Variants in TMEM230 observed in about 807,000 individuals in gnomAD.
The protein encoded by TMEM230 is UPF0414 transmembrane protein C20orf30.
A neutral mutation model predicts 15.8 loss-of-function variants in TMEM230; 10 were observed. The ratio of observed to expected loss-of-function variants is 0.63; its 90% CI spans 0.39 to 1.07. The LOEUF is 1.07. Among genes scored for constraint, TMEM230 ranks in the 50% least tolerant of loss-of-function variants. The pLI is 0.01. For synonymous variants in TMEM230, 67 were observed against 76.9 expected (o/e 0.87, Z 0.68); for missense variants, 165 against 193.3 (o/e 0.85, Z 0.87).
downstream of TMEM230, chr20:5,068,274 A>G (rs946973290): frequency 7.9e-5 from 12 of 152,236 alleles, no homozygotes; most frequent in African/African-American, 2.9e-4. Flanking sequence ...CCACATGACC[A>G]TACCTAGTTA....
At chr20:5,105,089 A>G (rs1484375179) in intron 4 of TMEM230, among the ~76,000 whole-genome samples, 2 of 152,248 alleles carry the variant, frequency 1.3e-5, no homozygotes, top group African/African-American at 4.8e-5. Flanking sequence ...GTTCATGACC[A>G]GCCTGGCCAA....
intron 3 of TMEM230, 57 bp from the exon 3 acceptor site, chr20:5,106,367 G>C (rs955567521): frequency 6.5e-7 from 1 of 1,530,846 alleles, no homozygotes; most frequent in Middle Eastern, 1.7e-4. Flanking sequence ...AAATACCTGG[G>C]TTCAAACATT....
the TMEM230 span, among the ~76,000 whole-genome samples, chr20:5,062,405 A>C: frequency 6.6e-6 from 1 of 151,172 alleles, no homozygotes; most frequent in Non-Finnish European, 1.5e-5. Flanking sequence ...TTTATGCACT[A>C]GAAAATACAG....
At chr20:5,112,591 A>G (rs1348164453) in intron 1 of TMEM230, 1 of 789,680 alleles carries the variant, frequency 1.3e-6, no homozygotes, top group Admixed American at 4.4e-5. Flanking sequence ...TTTTCAAAGT[A>G]TCAGTCTTCG....
chr20:5,100,819 T>C lies in TMEM230; in HGVS notation c.524A>G (p.Tyr175Cys), dbSNP rs2089824188. 10 of 1,613,980 alleles carry C rather than the reference T, an allele frequency of 6.2e-6. No homozygotes were observed. Among genetic ancestry groups the C allele is most frequent in the Non-Finnish European group, 5.9e-6 (7 of 1,180,020 alleles). The change falls in exon 5 of 5, where the codon TAT becomes TGT. Residue 175 changes from tyrosine to cysteine, a missense_variant. Coordinates refer to ENST00000342308, the MANE Select transcript of TMEM230 (RefSeq NM_001009923.2). ...GTCATCAAAGTCTGGAATGTCATCA[T>C]AGGAGTAACCACGGTAGCCTTTGGA...
At chr20:5,066,905 C>T (rs1323205977), downstream of TMEM230, among the ~76,000 whole-genome samples, 1 of 152,022 alleles carries the variant, frequency 6.6e-6, no homozygotes, top group African/African-American at 2.4e-5. Flanking sequence ...AATCCACATA[C>T]ATCCAAGCCC....
At chr20:5,065,445 C>T (rs1332447777), downstream of TMEM230, among the ~76,000 whole-genome samples, 1 of 152,140 alleles carries the variant, frequency 6.6e-6, no homozygotes, top group Non-Finnish European at 1.5e-5. Context: ...GATCCATTTC[C>T]CTGAGCTGCT....
rs148378935 is a variant in TMEM230 at position 5,104,032 on chromosome 20, G to A, written c.411+2156C>T. 3.4e-3 allele frequency among the ~76,000 whole-genome samples: 512 copies of A among 152,100 alleles called. 3 individuals are homozygous for A. The highest frequency in any genetic ancestry group is 0.011 in the African/African-American group (472 of 41,492). ...TATATGCAAAGTATCCATCTGACAA[G>A]GAATTAATAACCAGAATATATAAGG... is the stretch of plus-strand genomic sequence containing the variant. On this transcript the variant is annotated intron_variant, in intron 4 of 4. Coordinates refer to ENST00000342308, the MANE Select transcript of TMEM230 (RefSeq NM_001009923.2).
intron 3 of TMEM230, among the ~76,000 whole-genome samples, chr20:5,106,849 G>T (rs2090114707): frequency 6.6e-6 from 1 of 152,138 alleles, no homozygotes; most frequent in Non-Finnish European, 1.5e-5. Context: ...GGGACTACAA[G>T]TATACGTCAC....
chr20:5,083,079 C>T (rs1282782595), intron 3 of TMEM230, among the ~76,000 whole-genome samples: 2 of 151,904 alleles, frequency 1.3e-5, no homozygotes, highest in African/African-American at 2.4e-5. Flanking sequence ...AGGCGTGCAC[C>T]ACCACAACTG....
intron 3 of TMEM230, among the ~76,000 whole-genome samples, chr20:5,070,474 G>A (rs115097600): frequency 1.1e-3 from 174 of 152,242 alleles, no homozygotes; most frequent in African/African-American, 3.8e-3. Flanking sequence ...ATAGATAACC[G>A]GAAGAGTGAC....
At chr20:5,093,166 A>G (rs1201563133) in intron 3 of TMEM230, among the ~76,000 whole-genome samples, 1 of 152,254 alleles carries the variant, frequency 6.6e-6, no homozygotes, top group Non-Finnish European at 1.5e-5. Flanking sequence ...ACATATAAAA[A>G]TCAGTAGTGT....
At chr20:5,075,370 T>C (rs2088956760) in intron 3 of TMEM230, among the ~76,000 whole-genome samples, 2 of 151,366 alleles carry the variant, frequency 1.3e-5, no homozygotes, top group African/African-American at 4.8e-5. Flanking sequence ...CGGCCTAAAA[T>C]GGTACATTTT....
chr20:5,106,401 T>C (rs2090095014), intron 3 of TMEM230, 91 bp from the exon 3 acceptor site: 2 of 1,422,802 alleles, frequency 1.4e-6, no homozygotes, highest in African/African-American at 1.5e-5. Context: ...GTAATTTTTA[T>C]GTTTTTGTTT....
chr20:5,103,137 G>A (rs775594216), intron 4 of TMEM230, among the ~76,000 whole-genome samples: 12 of 152,154 alleles, frequency 7.9e-5, no homozygotes, highest in Admixed American at 2.0e-4. Context: ...GCTAGGGTGG[G>A]CCTCACACTG....
chr20:5,112,060 G>T (rs901190340), intron 1 of TMEM230, among the ~76,000 whole-genome samples: 1 of 152,158 alleles, frequency 6.6e-6, no homozygotes, highest in African/African-American at 2.4e-5. Flanking sequence ...TGGCCAGGCT[G>T]GTCTCAAACT....
At chr20:5,062,091 G>A in the TMEM230 span, among the ~76,000 whole-genome samples, 41 of 151,958 alleles carry the variant, frequency 2.7e-4, no homozygotes, top group African/African-American at 9.2e-4. Context: ...GCATGATGGC[G>A]GGTGCCTGTA....
chr20:5,081,877 T>TC (rs1301695290), intron 3 of TMEM230, among the ~76,000 whole-genome samples: 4 of 43,208 alleles, frequency 9.3e-5, no homozygotes, highest in African/African-American at 1.6e-4. Flanking sequence ...TTTTTTCTTT[T>TC]TTTTTTTTTT....
At chr20:5,077,738 G>C (rs1428970363) in intron 3 of TMEM230, among the ~76,000 whole-genome samples, 1 of 152,002 alleles carries the variant, frequency 6.6e-6, no homozygotes, top group African/African-American at 2.4e-5. Flanking sequence ...GGTAGTTGAG[G>C]CAGGAGAATC....
Sources: allele counts gnomAD v4.1 joint callset (sites outside exome capture counted in the v4.1 genomes callset), GRCh38; gene constraint gnomAD v4.1.1; transcripts MANE v1.5; gene names NCBI Gene and HGNC (gene_info 2026-07-23, HGNC 2026-07-21).